The following CMC1 variants were observed in gnomAD, a reference collection of about 807,000 sequenced individuals.
The protein encoded by CMC1 is C-X9-C motif containing 1, also known as COX assembly mitochondrial protein homolog.
Under a neutral mutation model 14.1 loss-of-function variants are expected in CMC1, and 14 were observed. That is an observed-to-expected ratio of 0.99 (90% CI 0.66 to 1.55). The LOEUF is 1.55. Ranked by LOEUF, CMC1 falls within the 40% of genes most tolerant of loss-of-function variation. The probability of loss-of-function intolerance (pLI) is 0.00; values close to 1 mark genes in which losing one functional copy is unlikely to be tolerated. For synonymous variants in CMC1, 50 were observed against 38.4 expected, an observed-to-expected ratio of 1.30 and a Z score of -1.12; for missense variants, 127 against 123.8, an observed-to-expected ratio of 1.03 and a Z score of -0.12.
chr3:28,309,319 A>T (rs991105530), intron 2 of CMC1, among the ~76,000 whole-genome samples: 12 of 151,856 alleles, frequency 7.9e-5, no homozygotes, highest in African/African-American at 2.9e-4. Context: ...TCTTTATTCC[A>T]TCTTCCTCCA....
At position 28,258,990 on chromosome 3, in the gene CMC1, G is replaced by A. The variant is rs117313259; in HGVS notation, c.20-4301G>A. Reference sequence around the variant, plus strand: ...GCTACCCAAATTATGCCAGCACTACGTCGTCTTGACTTCTGTAGTTTTGTA... The same window carrying A: ...GCTACCCAAATTATGCCAGCACTACATCGTCTTGACTTCTGTAGTTTTGTA... On this transcript the variant is annotated intron_variant, in intron 1 of 3. Transcript: ENST00000466830. 1.5e-4 allele frequency among the ~76,000 whole-genome samples: 23 copies of A among 152,176 alleles called. No homozygotes were observed. In the East Asian group the frequency reaches 3.9e-3, roughly 26 times the overall value.
intron 2 of CMC1, among the ~76,000 whole-genome samples, chr3:28,272,492 C>A (rs1310801171): frequency 6.6e-6 from 1 of 151,900 alleles, no homozygotes; most frequent in Admixed American, 6.6e-5. Flanking sequence ...GTAGTTTTGG[C>A]CTTTAGTTCT....
Position 28,323,509 on chromosome 3 carries a change from T to C in CMC1, c.*3880T>C, listed in dbSNP as rs558441707. On this transcript the variant is annotated 3_prime_UTR_variant, in exon 4 of 4. Transcript: ENST00000466830. The stretch of plus-strand genomic sequence containing the variant: ...GTGACCAAAAAATCACTTTAAATCT[T>C]AAATATTGAAACGCAATAGCATATA... The C allele has an allele frequency of 6.6e-6, 1 of 151,648 alleles. No homozygotes were observed. Among genetic ancestry groups the C allele is most frequent in the South Asian group, 2.1e-4 (1 of 4,828 alleles). 9.4% of individuals were successfully genotyped at this position (151,648 alleles called of 1,614,324 possible).
At chr3:28,246,791 T>C (rs903425870) in intron 1 of CMC1, among the ~76,000 whole-genome samples, 1 of 150,626 alleles carries the variant, frequency 6.6e-6, no homozygotes, top group Non-Finnish European at 1.5e-5. Context: ...TGATTTGGGG[T>C]CCATTGATTT....
chr3:28,324,505 T>C lies in CMC1; in HGVS notation c.*4876T>C, dbSNP rs773709190. 6.5e-6 allele frequency: 9 copies of C among 1,376,380 alleles called. No individual in the cohort carries two copies. The highest frequency in any genetic ancestry group is 7.6e-6 in the Non-Finnish European group (8 of 1,046,046). The allele number at this position is 1,376,380 out of a possible 1,614,324, so 85.3% of individuals were successfully genotyped here. On this transcript the variant is annotated 3_prime_UTR_variant, in exon 4 of 4. Transcript: ENST00000466830. Reference sequence around the variant, plus strand: ...TCAGTTTTCATTACATTTGTGATCATAAAATTCGATAACACTTCACCAATT... The same window carrying C: ...TCAGTTTTCATTACATTTGTGATCACAAAATTCGATAACACTTCACCAATT...
intron 2 of CMC1, among the ~76,000 whole-genome samples, chr3:28,264,608 A>G (rs1699909482): frequency 6.6e-6 from 1 of 152,138 alleles, no homozygotes; most frequent in Admixed American, 6.6e-5. Flanking sequence ...CAACCTATTG[A>G]CACCTGCAGG....
At chr3:28,309,337 A>C (rs1702503095) in intron 2 of CMC1, among the ~76,000 whole-genome samples, 1 of 152,096 alleles carries the variant, frequency 6.6e-6, no homozygotes, top group Non-Finnish European at 1.5e-5. Context: ...CCACCAAAAC[A>C]GAACAAATTC....
intron 2 of CMC1, among the ~76,000 whole-genome samples, chr3:28,281,156 A>G (rs1202274912): frequency 6.6e-6 from 1 of 152,232 alleles, no homozygotes; most frequent in Non-Finnish European, 1.5e-5. Flanking sequence ...AATACTTACC[A>G]TGTATCCAGC....
At chr3:28,242,239 A>G (rs1056253879) in intron 1 of CMC1, among the ~76,000 whole-genome samples, 2 of 152,200 alleles carry the variant, frequency 1.3e-5, no homozygotes, top group South Asian at 2.1e-4. Context: ...ACTTAAAAAC[A>G]TATTTCAAAG....
chr3:28,271,885 G>A (rs1369469173), intron 2 of CMC1, among the ~76,000 whole-genome samples: 1 of 151,914 alleles, frequency 6.6e-6, no homozygotes, highest in Non-Finnish European at 1.5e-5. Context: ...CATTTGTATC[G>A]TCTCTGATTT....
In CMC1 at chr3:28,270,678, A is replaced by T. The variant is rs141801394; in HGVS notation, c.109+7298A>T. ...CCTTTGTCAGATGGGTAGATTGCCA[A>T]AATTTTCTCCCATTCTTTAGGTTGT... On this transcript the variant is annotated intron_variant, in intron 2 of 3. Transcript: ENST00000466830. Among the ~76,000 whole-genome samples the T allele has an allele frequency of 2.3e-3, 355 of 152,124 alleles. 2 individuals are homozygous for T. The highest frequency in any genetic ancestry group is 6.8e-3 in the Middle Eastern group (2 of 294).
At chr3:28,244,149 C>T (rs1242182315) in intron 1 of CMC1, among the ~76,000 whole-genome samples, 1 of 152,152 alleles carries the variant, frequency 6.6e-6, no homozygotes, top group Non-Finnish European at 1.5e-5. Flanking sequence ...GATAATAAAG[C>T]ATTTGGATTT....
chr3:28,274,876 G>A (rs138779068), intron 2 of CMC1, among the ~76,000 whole-genome samples: 1 of 152,090 alleles, frequency 6.6e-6, no homozygotes, highest in African/African-American at 2.4e-5. Context: ...TTCAAGCTCT[G>A]AAATTCTTCC....
At chr3:28,248,150 G>A (rs1389597381) in intron 1 of CMC1, among the ~76,000 whole-genome samples, 3 of 151,880 alleles carry the variant, frequency 2.0e-5, no homozygotes, top group East Asian at 1.9e-4. Flanking sequence ...GATATGATGC[G>A]CCTATATGTA....
chr3:28,266,315 C>T (rs1700003154), intron 2 of CMC1, among the ~76,000 whole-genome samples: 1 of 152,026 alleles, frequency 6.6e-6, no homozygotes, highest in Non-Finnish European at 1.5e-5. Flanking sequence ...GATTCTAATT[C>T]TACAGTGAAT....
chr3:28,321,076 T>A lies in CMC1; in HGVS notation c.*1447T>A, dbSNP rs1703173291. The A allele has an allele frequency of 6.6e-6, 1 of 151,374 alleles. No individual in the cohort carries two copies. The highest frequency in any genetic ancestry group is 6.6e-5 in the Admixed American group (1 of 15,120). 9.4% of individuals were successfully genotyped at this position (151,374 alleles called of 1,614,324 possible). A position where few individuals can be genotyped will look rare whatever the true frequency, so the allele number is the denominator to read the frequency against. The stretch of plus-strand genomic sequence containing the variant: ...CTCTTGAGTGAACCACTCAAAAAAC[T>A]ATTTTACTTTTATTTGAAATACAAA... On this transcript the variant is annotated 3_prime_UTR_variant, in exon 4 of 4. Transcript: ENST00000466830.
intron 2 of CMC1, chr3:28,315,182 TG>T (rs1023658419): frequency 6.6e-6 from 1 of 152,084 alleles, no homozygotes; most frequent in African/African-American, 2.4e-5. Flanking sequence ...CTGCAAGAGA[TG>T]AGGAGCAAAG....
chr3:28,319,418 C>A, intron 3 of CMC1, 91 bp from the exon 4 acceptor site: 3 of 1,134,676 alleles, frequency 2.6e-6, no homozygotes, highest in Non-Finnish European at 4.0e-6. Flanking sequence ...GCCTGATGAA[C>A]CAGATGTCTG....
intron 2 of CMC1, among the ~76,000 whole-genome samples, chr3:28,287,468 A>AT (rs1161869814): frequency 2.6e-5 from 4 of 151,594 alleles, no homozygotes; most frequent in Admixed American, 6.6e-5. Flanking sequence ...GAGGGAGCAA[A>AT]TTTTTTTTTC....
Sources: gnomAD v4.1 joint callset for allele counts (sites outside exome capture counted in the v4.1 genomes callset) on GRCh38, gnomAD v4.1.1 for gene constraint, MANE v1.5 for transcripts, NCBI Gene and HGNC (gene_info 2026-07-23, HGNC 2026-07-21) for gene names.